The following RIN2 variants were observed in gnomAD, a reference collection of about 807,000 sequenced individuals.
The protein encoded by RIN2 is Ras and Rab interactor 2, also known as RAB5 interacting protein 2.
In RIN2, 36 loss-of-function variants were observed where a neutral mutation model predicts 78.0. That is an observed-to-expected ratio of 0.46 (90% CI 0.35 to 0.61). The LOEUF (loss-of-function observed/expected upper bound fraction) is 0.61. Ranked by LOEUF, RIN2 falls within the 20% of genes least tolerant of loss-of-function variation. The pLI is 0.00. For synonymous variants in RIN2, 466 were observed against 466.8 expected (o/e 1.00, Z 0.02); for missense variants, 1,087 against 1,159.7 (o/e 0.94, Z 0.91).
At chr20:19,887,660 A>G (rs187653763) in intron 2 of RIN2, among the ~76,000 whole-genome samples, 3 of 152,316 alleles carry the variant, frequency 2.0e-5, no homozygotes, top group Admixed American at 6.5e-5. Context: ...AACTGCTCCA[A>G]TGCTGTAGGC....
chr20:19,886,770 C>A, intron 2 of RIN2: 1 of 1,538,480 alleles, frequency 6.5e-7, no homozygotes, highest in Non-Finnish European at 8.8e-7. Context: ...TTCACAGCCT[C>A]TCAAACTACG....
chr20:19,914,508 G>A (rs534531662), intron 3 of RIN2, among the ~76,000 whole-genome samples: 2 of 152,244 alleles, frequency 1.3e-5, no homozygotes, highest in East Asian at 3.9e-4. Flanking sequence ...TTGAAGCTGG[G>A]CAGCTGAATT....
intron 4 of RIN2, among the ~76,000 whole-genome samples, chr20:19,945,920 T>C (rs1279142471): frequency 6.6e-6 from 1 of 152,186 alleles, no homozygotes; most frequent in African/African-American, 2.4e-5. Flanking sequence ...TGCCGCCCAT[T>C]TCCTGATAAG....
chr20:19,828,659 A>G (rs780266038), intron 2 of RIN2, among the ~76,000 whole-genome samples: 1 of 152,164 alleles, frequency 6.6e-6, no homozygotes, highest in Admixed American at 6.5e-5. Context: ...CTTAACAGAG[A>G]CAGCTTAGTA....
intron 2 of RIN2, among the ~76,000 whole-genome samples, chr20:19,870,648 A>T (rs574609603): frequency 6.6e-6 from 1 of 152,314 alleles, no homozygotes; most frequent in South Asian, 2.1e-4. Context: ...CTCTTTCAAA[A>T]AAAAGAAAGA....
At chr20:19,842,868 A>G (rs1182260431) in intron 2 of RIN2, among the ~76,000 whole-genome samples, 1 of 152,002 alleles carries the variant, frequency 6.6e-6, no homozygotes, top group Non-Finnish European at 1.5e-5. Context: ...TCTTCTGAAA[A>G]GAATTCAGCA....
chr20:19,965,653 C>A (rs1218863731), intron 7 of RIN2, among the ~76,000 whole-genome samples: 1 of 152,146 alleles, frequency 6.6e-6, no homozygotes, highest in East Asian at 1.9e-4. Flanking sequence ...ACTCTGTCAC[C>A]CAGGCTGGAG....
rs534202183 is a variant in RIN2 at position 19,890,679 on chromosome 20, C to CAAAAAAAAAAA, written c.57+1035_57+1045dup. ...TATATTGTGTCAACTGTTGACTCTA[C>CAAAAAAAAAAA]AAAAAAAAAAAAAAAAAAAAAAAAC... On this transcript the variant is annotated intron_variant, in intron 3 of 12. Coordinates refer to ENST00000255006, the MANE Select transcript of RIN2 (RefSeq NM_018993.4). Among the ~76,000 whole-genome samples the CAAAAAAAAAAA allele has an allele frequency of 2.9e-3, 184 of 64,438 alleles. 19 individuals carry two copies. Among genetic ancestry groups the CAAAAAAAAAAA allele is most frequent in the African/African-American group, 6.0e-3 (104 of 17,442 alleles). 42.3% of individuals were successfully genotyped at this position (64,438 alleles called of 152,430 possible). A position where few individuals can be genotyped will look rare whatever the true frequency, so the allele number is the denominator to read the frequency against.
chr20:19,920,282 C>T (rs777594285), intron 3 of RIN2, among the ~76,000 whole-genome samples: 14 of 140,134 alleles, frequency 1.0e-4, no homozygotes, highest in Middle Eastern at 3.9e-3. Context: ...GGCGACAGAG[C>T]GAGACTCTGT....
intron 4 of RIN2, among the ~76,000 whole-genome samples, chr20:19,940,751 G>A (rs989836806): frequency 2.6e-5 from 4 of 152,182 alleles, no homozygotes; most frequent in African/African-American, 7.2e-5. Flanking sequence ...TTTTCATTTG[G>A]CGGAAGCAGG....
intron 2 of RIN2, among the ~76,000 whole-genome samples, chr20:19,874,664 C>A (rs1227433099): frequency 6.6e-6 from 1 of 152,262 alleles, no homozygotes; most frequent in African/African-American, 2.4e-5. Context: ...CACAGCAATG[C>A]TTCTCTCAGA....
At chr20:19,818,703 G>C (rs2035839878) in intron 2 of RIN2, among the ~76,000 whole-genome samples, 1 of 142,388 alleles carries the variant, frequency 7.0e-6, no homozygotes, top group Non-Finnish European at 1.5e-5. Flanking sequence ...TAGCACTCCA[G>C]CCTGGGCGAC....
chr20:19,791,507 T>C (rs192343776), intron 1 of RIN2, among the ~76,000 whole-genome samples: 198 of 152,350 alleles, frequency 1.3e-3, no homozygotes, highest in African/African-American at 4.5e-3. Flanking sequence ...GATATTATTA[T>C]GTGGAAGTGA....
At chr20:19,930,785 C>A (rs1193698013) in intron 3 of RIN2, among the ~76,000 whole-genome samples, 1 of 152,172 alleles carries the variant, frequency 6.6e-6, no homozygotes. Flanking sequence ...TTGCTTCTAC[C>A]TTTTTAGTCC....
chr20:19,967,749 C>A (rs2041983502), intron 7 of RIN2, among the ~76,000 whole-genome samples: 1 of 152,098 alleles, frequency 6.6e-6, no homozygotes, highest in Non-Finnish European at 1.5e-5. Context: ...GGGGTGGTAC[C>A]TGAGGTTTTG....
At chr20:19,988,960 C>A (rs562976160) in intron 9 of RIN2, among the ~76,000 whole-genome samples, 1 of 152,176 alleles carries the variant, frequency 6.6e-6, no homozygotes, top group African/African-American at 2.4e-5. Flanking sequence ...CACATACATG[C>A]ACACAAATAC....
chr20:19,879,300 A>ATACTAAGT lies in RIN2; in HGVS notation c.-36-10263_-36-10256dup, dbSNP rs200760077. ...TATGACTCTTTCATAGACACACAAA[A>ATACTAAGT]TACTAAGTTATTTTGGAGAACTGTT... On this transcript the variant is annotated intron_variant, in intron 2 of 12. Transcript: ENST00000255006. Among the ~76,000 whole-genome samples the ATACTAAGT allele has an allele frequency of 3.0e-3, 451 of 152,306 alleles. 7 individuals carry two copies. The highest frequency in any genetic ancestry group is 0.029 in the East Asian group (153 of 5,192).
At chr20:19,824,957 C>A (rs555600681) in intron 2 of RIN2, among the ~76,000 whole-genome samples, 242 of 152,266 alleles carry the variant, frequency 1.6e-3, no homozygotes, top group African/African-American at 5.7e-3. Context: ...CCAAGGCCTG[C>A]TCGAGGCCAC....
intron 4 of RIN2, among the ~76,000 whole-genome samples, chr20:19,944,003 A>G (rs895064330): frequency 7.1e-5 from 4 of 56,614 alleles, no homozygotes; most frequent in African/African-American, 2.8e-4. Flanking sequence ...TTTTTTTTTT[A>G]CCTATAACTA....
Sources: gnomAD v4.1 joint callset for allele counts (sites outside exome capture counted in the v4.1 genomes callset) on GRCh38, gnomAD v4.1.1 for gene constraint, MANE v1.5 for transcripts, NCBI Gene and HGNC (gene_info 2026-07-23, HGNC 2026-07-21) for gene names.